TMEM217B: variants seen among roughly 807,000 people sequenced by gnomAD.
TMEM217B encodes the protein transmembrane protein 217B.
the TMEM217B span, among the ~76,000 whole-genome samples, chr6:37,249,443 C>T: frequency 6.6e-6 from 1 of 152,102 alleles, no homozygotes; most frequent in East Asian, 1.9e-4. Context: ...CCTCAGCCTC[C>T]CAAGTAGCTG....
the TMEM217B span, among the ~76,000 whole-genome samples, chr6:37,245,134 TC>T: frequency 6.6e-6 from 1 of 152,154 alleles, no homozygotes; most frequent in East Asian, 1.9e-4. Flanking sequence ...AATGAGGAAG[TC>T]CAACAAGATG....
At chr6:37,224,394 C>G in the TMEM217B span, among the ~76,000 whole-genome samples, 1 of 149,808 alleles carries the variant, frequency 6.7e-6, no homozygotes. Context: ...GTCAGGAGAT[C>G]GAGACCATCC....
the TMEM217B span, among the ~76,000 whole-genome samples, chr6:37,234,843 T>C: frequency 3.9e-3 from 590 of 152,284 alleles, 4 homozygotes; most frequent in African/African-American, 0.012. Context: ...GTGAAAAGTA[T>C]GAATAGGGAT....
chr6:37,258,113 C>A, the TMEM217B span: 4 of 954,756 alleles, frequency 4.2e-6, no homozygotes, highest in Admixed American at 3.1e-5. Flanking sequence ...GGCGGCAGGG[C>A]AGCTGTCAGG....
At chr6:37,219,127 A>AG in the TMEM217B span, 1 of 1,206,634 alleles carries the variant, frequency 8.3e-7, no homozygotes, top group Non-Finnish European at 1.2e-6. Context: ...CCCCAAATCT[A>AG]CTTTGGAGAA....
At chr6:37,219,098 C>T in the TMEM217B span, 2 of 1,479,188 alleles carry the variant, frequency 1.4e-6, no homozygotes, top group Admixed American at 4.0e-5. Flanking sequence ...TGGTAAATTA[C>T]CAGGGTTTCT....
chr6:37,215,448 G>A, the TMEM217B span, among the ~76,000 whole-genome samples: 1 of 151,386 alleles, frequency 6.6e-6, no homozygotes, highest in Non-Finnish European at 1.5e-5. Flanking sequence ...GGTGGCACGC[G>A]CCAACTACCT....
At chr6:37,225,201 A>G in the TMEM217B span, among the ~76,000 whole-genome samples, 1 of 152,114 alleles carries the variant, frequency 6.6e-6, no homozygotes, top group African/African-American at 2.4e-5. Context: ...CTCTGACTAA[A>G]AAAAAGAAAA....
At chr6:37,243,440 G>A in the TMEM217B span, among the ~76,000 whole-genome samples, 4 of 152,206 alleles carry the variant, frequency 2.6e-5, no homozygotes, top group African/African-American at 9.7e-5. Flanking sequence ...TAATTGCCCA[G>A]TGGGTTCTTC....
the TMEM217B span, among the ~76,000 whole-genome samples, chr6:37,240,481 C>G: frequency 2.0e-5 from 3 of 152,156 alleles, no homozygotes; most frequent in Non-Finnish European, 4.4e-5. Context: ...TGGCTTCCCC[C>G]AGAGTAAGTG....
chr6:37,226,510 G>C, the TMEM217B span, among the ~76,000 whole-genome samples: 1 of 151,186 alleles, frequency 6.6e-6, no homozygotes, highest in Non-Finnish European at 1.5e-5. Flanking sequence ...TGTTAGCCAG[G>C]ATGGTCTCGA....
At chr6:37,239,394 G>A in the TMEM217B span, among the ~76,000 whole-genome samples, 16 of 151,952 alleles carry the variant, frequency 1.1e-4, no homozygotes, top group Non-Finnish European at 1.8e-4. Flanking sequence ...AGGACTGCTT[G>A]AGCCCAGGAG....
the TMEM217B span, chr6:37,257,811 C>A: frequency 8.6e-6 from 11 of 1,282,490 alleles, no homozygotes; most frequent in Non-Finnish European, 1.2e-5. Context: ...GAGCGGGTGA[C>A]CGGCGGCGGG....
the TMEM217B span, among the ~76,000 whole-genome samples, chr6:37,241,370 C>T: frequency 9.2e-5 from 14 of 152,220 alleles, no homozygotes; most frequent in African/African-American, 3.1e-4. Flanking sequence ...CACTCCTCAG[C>T]GGCAGAGCTC....
chr6:37,215,570 C>CAAAAAAAAAAAAAAAAAAAAAAAAA, the TMEM217B span, among the ~76,000 whole-genome samples: 11 of 72,370 alleles, frequency 1.5e-4, no homozygotes, highest in Non-Finnish European at 1.7e-4. Context: ...GACTCTGTCT[C>CAAAAAAAAAAAAAAAAAAAAAAAAA]AAAAAAAAAA....
the TMEM217B span, among the ~76,000 whole-genome samples, chr6:37,215,570 C>CAAAAAAAAAAAAAAA: frequency 1.0e-3 from 74 of 72,370 alleles, no homozygotes; most frequent in African/African-American, 1.6e-3. Flanking sequence ...GACTCTGTCT[C>CAAAAAAAAAAAAAAA]AAAAAAAAAA....
chr6:37,212,295 T>A, the TMEM217B span: 1 of 352,382 alleles, frequency 2.8e-6, no homozygotes, highest in Non-Finnish European at 5.6e-6. Flanking sequence ...CATTCCTCAG[T>A]GCGTAAAACT....
At chr6:37,239,967 A>T in the TMEM217B span, among the ~76,000 whole-genome samples, 4 of 152,202 alleles carry the variant, frequency 2.6e-5, no homozygotes, top group African/African-American at 9.6e-5. Context: ...AACAACTAGA[A>T]ATTTATTTTC....
At chr6:37,231,689 A>T in the TMEM217B span, among the ~76,000 whole-genome samples, 1 of 147,718 alleles carries the variant, frequency 6.8e-6, no homozygotes, top group Non-Finnish European at 1.5e-5. Context: ...AAAAAAAAAA[A>T]TTCAACAGAA....
Sources: gnomAD v4.1 joint callset for allele counts (sites outside exome capture counted in the v4.1 genomes callset) on GRCh38, gnomAD v4.1.1 for gene constraint, MANE v1.5 for transcripts, NCBI Gene and HGNC (gene_info 2026-07-23, HGNC 2026-07-21) for gene names.